The following AKAP6 variants were observed in gnomAD, a reference collection of about 807,000 sequenced individuals.
AKAP6 encodes A-kinase anchoring protein 6, also known as A-kinase anchor protein 6.
AKAP6 carries 58 observed loss-of-function variants against 188.5 expected under a neutral mutation model. The ratio of observed to expected loss-of-function variants is 0.31; its 90% CI spans 0.25 to 0.38. The LOEUF is 0.38. Among genes scored for constraint, AKAP6 ranks in the 10% least tolerant of loss-of-function variants. The pLI is 1.00. For synonymous variants in AKAP6, 989 were observed against 998.6 expected (o/e 0.99, Z 0.18); for missense variants, 2,710 against 2,740.0 (o/e 0.99, Z 0.24).
intron 8 of AKAP6, among the ~76,000 whole-genome samples, chr14:32,694,634 C>T (rs1890325559): frequency 6.6e-6 from 1 of 152,124 alleles, no homozygotes. Context: ...AATGTTGATG[C>T]TTGCCCTTGG....
At chr14:32,492,530 T>C (rs1880093250) in intron 2 of AKAP6, among the ~76,000 whole-genome samples, 2 of 152,032 alleles carry the variant, frequency 1.3e-5, no homozygotes, top group South Asian at 4.1e-4. Context: ...ATGTTAATAC[T>C]TGGTTCTAGT....
At chr14:32,392,919 A>G (rs1888758117) in intron 1 of AKAP6, among the ~76,000 whole-genome samples, 1 of 152,104 alleles carries the variant, frequency 6.6e-6, no homozygotes, top group African/African-American at 2.4e-5. Context: ...TGTTGAAGAA[A>G]TTATGGAAAT....
chr14:32,451,078 C>T (rs1890920237), intron 2 of AKAP6, among the ~76,000 whole-genome samples: 1 of 152,124 alleles, frequency 6.6e-6, no homozygotes, highest in Non-Finnish European at 1.5e-5. Flanking sequence ...TTTGGAAATA[C>T]TTATGAACAA....
intron 2 of AKAP6, among the ~76,000 whole-genome samples, chr14:32,517,939 C>T (rs1184828690): frequency 3.9e-5 from 6 of 152,216 alleles, no homozygotes; most frequent in African/African-American, 1.4e-4. Flanking sequence ...CTGGGAGACA[C>T]GTCCCAGAAG....
At chr14:32,716,993 G>A (rs1055055413) in intron 9 of AKAP6, among the ~76,000 whole-genome samples, 2 of 152,008 alleles carry the variant, frequency 1.3e-5, no homozygotes, top group Non-Finnish European at 2.9e-5. Context: ...TAGACAAGTG[G>A]CAAAGATAGC....
chr14:32,569,801 T>C (rs1884390230), intron 4 of AKAP6, among the ~76,000 whole-genome samples: 1 of 152,224 alleles, frequency 6.6e-6, no homozygotes, highest in Non-Finnish European at 1.5e-5. Flanking sequence ...AAACCTTTAC[T>C]GTGGATAAGA....
Position 32,371,654 on chromosome 14 carries a change from G to C in AKAP6, c.-35+42246G>C, listed in dbSNP as rs569379076. Among the ~76,000 whole-genome samples, 3 of 152,238 alleles carry C rather than the reference G, an allele frequency of 2.0e-5. No individual in the cohort carries two copies. In the East Asian group the frequency reaches 5.8e-4, roughly 29 times the overall value. On this transcript the variant is annotated intron_variant, in intron 1 of 13. Transcript: ENST00000280979. ...TGGTGACATTGGTCTGCAGTAGAGG[G>C]AAAAATCATGGGGAGTTGAAATAGG...
chr14:32,528,744 C>T (rs1308683510), intron 2 of AKAP6, among the ~76,000 whole-genome samples: 1 of 152,086 alleles, frequency 6.6e-6, no homozygotes, highest in Non-Finnish European at 1.5e-5. Flanking sequence ...ATGGCGTGAT[C>T]TCGGCTCACT....
rs150846456 is a variant in AKAP6 at position 32,737,297 on chromosome 14, A to G, written c.3372+1415A>G. Among the ~76,000 whole-genome samples the G allele has an allele frequency of 1.6e-4, 24 of 152,264 alleles. No homozygotes were observed. In the East Asian group the frequency reaches 4.2e-3, roughly 27 times the overall value. On this transcript the variant is annotated intron_variant, in intron 11 of 13. Transcript: ENST00000280979. ...ATTTTATTCATGACTGTTGGAATAA[A>G]TCTTTTTCCTAGCCAGAATTTTAAA... is the stretch of plus-strand genomic sequence containing the variant.
chr14:32,746,178 T>C (rs1338524864), intron 11 of AKAP6, among the ~76,000 whole-genome samples: 6 of 152,224 alleles, frequency 3.9e-5, no homozygotes, highest in African/African-American at 1.4e-4. Context: ...GCCAAGCTGA[T>C]ATCTAAGATG....
At chr14:32,570,346 AT>A (rs1884423372) in intron 4 of AKAP6, among the ~76,000 whole-genome samples, 1 of 150,100 alleles carries the variant, frequency 6.7e-6, no homozygotes, top group Non-Finnish European at 1.5e-5. Context: ...GTTTCACCAT[AT>A]TGGCCAGGAT....
rs576615070 is a variant in AKAP6, at chr14:32,782,738, G to A, written c.3588+8845G>A. On this transcript the variant is annotated intron_variant, in intron 12 of 13. Transcript: ENST00000280979. ...GCAAACAGCTACAAAATATTGCTGA[G>A]AGAAATTATTAACAAATAATAACTA... is the stretch of plus-strand genomic sequence containing the variant. 5.3e-5 allele frequency among the ~76,000 whole-genome samples: 8 copies of A among 152,176 alleles called. No homozygotes were observed. In the South Asian group the frequency reaches 1.7e-3, roughly 32 times the overall value.
At chr14:32,557,739 G>A (rs1883754397) in intron 4 of AKAP6, among the ~76,000 whole-genome samples, 1 of 152,084 alleles carries the variant, frequency 6.6e-6, no homozygotes, top group Non-Finnish European at 1.5e-5. Flanking sequence ...TTTCCCTTAT[G>A]CTAACTTTTT....
At chr14:32,661,391 G>A (rs945181567) in intron 7 of AKAP6, among the ~76,000 whole-genome samples, 1 of 152,098 alleles carries the variant, frequency 6.6e-6, no homozygotes, top group African/African-American at 2.4e-5. Flanking sequence ...TGACAAAGCG[G>A]TTGCATGGTA....
At chr14:32,335,029 C>A (rs949078328) in intron 1 of AKAP6, among the ~76,000 whole-genome samples, 3 of 152,136 alleles carry the variant, frequency 2.0e-5, no homozygotes, top group Non-Finnish European at 4.4e-5. Flanking sequence ...TTACTCCCTG[C>A]AGCCTTGAAA....
rs773032855 is a variant in AKAP6 at position 32,484,249 on chromosome 14, G to A, written c.324+50432G>A. 6.4e-5 allele frequency: 7 copies of A among 109,738 alleles called. 2 individuals are homozygous for A. Among genetic ancestry groups the A allele is most frequent in the Non-Finnish European group, 9.6e-5 (7 of 72,726 alleles). 6.8% of individuals were successfully genotyped at this position (109,738 alleles called of 1,614,324 possible). On this transcript the variant is annotated intron_variant, in intron 2 of 13. Transcript: ENST00000280979. ...CTGCTGTGATTAGGACGGATCAGACGAAAAGGGGTGTTTGGTATTGGGTTA... is the reference window on the plus strand; with the variant it reads ...CTGCTGTGATTAGGACGGATCAGACAAAAAGGGGTGTTTGGTATTGGGTTA...
At chr14:32,751,251 A>G (rs1220035278) in intron 11 of AKAP6, among the ~76,000 whole-genome samples, 1 of 152,124 alleles carries the variant, frequency 6.6e-6, no homozygotes, top group East Asian at 1.9e-4. Flanking sequence ...GGAAAAGTCC[A>G]TTCCTAGTAT....
chr14:32,515,623 G>A (rs932583762), intron 2 of AKAP6, among the ~76,000 whole-genome samples: 1 of 152,088 alleles, frequency 6.6e-6, no homozygotes, highest in Non-Finnish European at 1.5e-5. Flanking sequence ...TATAGATGAG[G>A]AAACTGAGGC....
chr14:32,505,653 G>A (rs1001011591), intron 2 of AKAP6, among the ~76,000 whole-genome samples: 19 of 152,076 alleles, frequency 1.2e-4, no homozygotes, highest in African/African-American at 4.3e-4. Context: ...AGTGTTATGT[G>A]TAAAGTATTA....
Sources: gnomAD v4.1 joint callset for allele counts (sites outside exome capture counted in the v4.1 genomes callset) on GRCh38, gnomAD v4.1.1 for gene constraint, MANE v1.5 for transcripts, NCBI Gene and HGNC (gene_info 2026-07-23, HGNC 2026-07-21) for gene names.